UBFD1: variants seen among roughly 807,000 people sequenced by gnomAD.
UBFD1 encodes the protein ubiquitin domain-containing protein UBFD1.
Under a neutral mutation model 35.1 loss-of-function variants are expected in UBFD1, and 12 were observed. The observed-to-expected ratio is 0.34, with a 90% confidence interval of 0.22 to 0.55. UBFD1 has a LOEUF of 0.55. UBFD1 is among the 20% of genes least tolerant of loss of function. UBFD1 has a pLI of 0.89. For synonymous variants in UBFD1, 178 were observed against 167.6 expected, an observed-to-expected ratio of 1.06 and a Z score of -0.48; for missense variants, 337 against 410.8, an observed-to-expected ratio of 0.82 and a Z score of 1.55.
chr16:23,558,236 C>CA lies in UBFD1; in HGVS notation c.313dup (p.Ser105LysfsTer26). 1 of 1,609,656 alleles carries CA rather than the reference C, an allele frequency of 6.2e-7. No homozygotes were observed. Among genetic ancestry groups the CA allele is most frequent in the Non-Finnish European group, 8.5e-7 (1 of 1,178,222 alleles). On this transcript the variant is annotated frameshift_variant, in exon 2 of 7. Coordinates refer to ENST00000395878, the MANE Select transcript of UBFD1 (RefSeq NM_019116.3). LOFTEE classifies it high-confidence loss of function. ...AGCATGACGTGAAGTTCCCCCTGGA[C>CA]AGCACAGGCTCCGAGCTGAAACAGA...
chr16:23,559,788 T>C lies in UBFD1; in HGVS notation c.564+112T>C, dbSNP rs751115424. 853 of 1,553,182 alleles carry C rather than the reference T, an allele frequency of 5.5e-4. 1 individual carries two copies. The highest frequency in any genetic ancestry group is 6.9e-4 in the Non-Finnish European group (792 of 1,149,734). ...GCTCCTTTTTGGACAGGGCCCATGA[T>C]GGAAATTTATGGCAGCAGTTGGGTG... On this transcript the variant is annotated intron_variant, in intron 3 of 6. Coordinates refer to ENST00000395878, the MANE Select transcript of UBFD1 (RefSeq NM_019116.3).
At chr16:23,566,228 T>C (rs898182918) in intron 5 of UBFD1, 1 of 152,126 alleles carries the variant, frequency 6.6e-6, no homozygotes, top group Non-Finnish European at 1.5e-5. Flanking sequence ...GCACTCCCCT[T>C]CCCTTGTGAG....
At chr16:23,564,587 C>G (rs1965984600) in intron 5 of UBFD1, 2 of 152,200 alleles carry the variant, frequency 1.3e-5, no homozygotes, top group Non-Finnish European at 2.9e-5. Flanking sequence ...CATTCACTTG[C>G]TGAAGTGCAT....
rs745818907 is a variant in UBFD1 at position 23,572,942 on chromosome 16, A to G, written c.*2352A>G. The G allele has an allele frequency of 6.6e-6, 1 of 152,228 alleles. No individual in the cohort carries two copies. Among genetic ancestry groups the G allele is most frequent in the Non-Finnish European group, 1.5e-5 (1 of 68,040 alleles). The allele number at this position is 152,228 out of a possible 1,614,324, so 9.4% of individuals were successfully genotyped here. ...GCTGGACGCTCTCGGGAGAGCAGAC[A>G]TAGCACCAGAAGCCACTGGGAGAAG... On this transcript the variant is annotated 3_prime_UTR_variant, in exon 7 of 7. Coordinates refer to ENST00000395878, the MANE Select transcript of UBFD1 (RefSeq NM_019116.3).
intron 4 of UBFD1, 65 bp from the exon 5 acceptor site, chr16:23,562,560 G>A (rs144611649): frequency 7.4e-6 from 11 of 1,487,760 alleles, no homozygotes; most frequent in East Asian, 2.3e-5. Flanking sequence ...GAGCCACCGC[G>A]CTTGGCCCCC....
chr16:23,558,558 G>A (rs968463882), intron 2 of UBFD1, among the ~76,000 whole-genome samples: 5 of 152,146 alleles, frequency 3.3e-5, no homozygotes, highest in Admixed American at 3.3e-4. Flanking sequence ...ATCACCTAAG[G>A]CGCTTGTTTT....
chr16:23,570,526 G>A lies in UBFD1; in HGVS notation c.866G>A (p.Trp289Ter). ...GAAGCCTCTTACTACTGGGTGTACT[G>A]GGTTCCAACTCAATATGTGGATGCA... Reference protein sequence around the residue: ...PTEASYYWVYWVPTQYVDAIK... With the variant: ...PTEASYYWVY The change falls in exon 7 of 7, where the codon TGG becomes TAG. Residue 289 changes from tryptophan (W) to a stop codon, truncating the protein, a stop_gained. Coordinates refer to ENST00000395878, the MANE Select transcript of UBFD1 (RefSeq NM_019116.3). LOFTEE classifies it high-confidence loss of function. The A allele has an allele frequency of 6.2e-7, 1 of 1,614,056 alleles. No homozygotes were observed. The highest frequency in any genetic ancestry group is 8.5e-7 in the Non-Finnish European group (1 of 1,180,002).
rs1965898022 is a variant in UBFD1 at position 23,559,589 on chromosome 16, T to C, written c.477T>C (p.Asp159=). 3 of 1,614,222 alleles carry C rather than the reference T, an allele frequency of 1.9e-6. No individual in the cohort carries two copies. The highest frequency in any genetic ancestry group is 1.7e-6 in the Non-Finnish European group (2 of 1,180,032). The change falls in exon 3 of 7, where the codon GAT becomes GAC. Residue 159 remains aspartate, a synonymous_variant. Transcript: ENST00000395878. ...TGGTGGTTGGCTCCACCATCAATGA[T>C]GTTTTAGCAGTAAACACACCCAAAG... ...KIMVVGSTIN[D]VLAVNTPKDA... is the part of the protein sequence containing the mutation.
chr16:23,566,753 A>G, intron 5 of UBFD1: 2 of 478,390 alleles, frequency 4.2e-6, no homozygotes, highest in Non-Finnish European at 7.5e-6. Context: ...GACCTTTACT[A>G]TACCATTGCC....
In UBFD1 at chr16:23,574,180, T is replaced by C. The variant is rs1031869549; in HGVS notation, c.*3590T>C. ...TTTCTTAAAGAGTTCTGCTGAATTA[T>C]TTGACAATATTTGTAAGTACCATGT... On this transcript the variant is annotated 3_prime_UTR_variant, in exon 7 of 7. Coordinates refer to ENST00000395878, the MANE Select transcript of UBFD1 (RefSeq NM_019116.3). 6.6e-6 allele frequency: 1 copy of C among 152,644 alleles called. No individual in the cohort carries two copies. Among genetic ancestry groups the C allele is most frequent in the African/African-American group, 2.4e-5 (1 of 41,452 alleles). 9.5% of individuals were successfully genotyped at this position (152,644 alleles called of 1,614,324 possible).
At chr16:23,557,902 T>G (rs1965840465) in intron 1 of UBFD1, 48 bp from the exon 2 acceptor site, 1 of 1,279,924 alleles carries the variant, frequency 7.8e-7, no homozygotes, top group African/African-American at 1.5e-5. Context: ...CAGCGTCCGT[T>G]CCCAAGCCCA....
intron 2 of UBFD1, 141 bp downstream of exon 2, chr16:23,558,420 A>G: frequency 9.2e-7 from 1 of 1,087,050 alleles, no homozygotes; most frequent in Non-Finnish European, 1.3e-6. Flanking sequence ...TTGGATGCCC[A>G]TTACTCAGCT....
chr16:23,560,012 A>G (rs978869661), intron 3 of UBFD1: 4 of 811,124 alleles, frequency 4.9e-6, no homozygotes, highest in Non-Finnish European at 7.3e-6. Flanking sequence ...GTAAGCCCTC[A>G]TTTTGTACAA....
At chr16:23,565,002 G>C (rs1965990053) in intron 5 of UBFD1, 1 of 152,208 alleles carries the variant, frequency 6.6e-6, no homozygotes, top group Admixed American at 6.5e-5. Flanking sequence ...ATGTTTTCTA[G>C]GGTTGAACAA....
intron 5 of UBFD1, chr16:23,565,441 C>G (rs1965996804): frequency 6.6e-6 from 1 of 152,120 alleles, no homozygotes; most frequent in African/African-American, 2.4e-5. Flanking sequence ...GAGTGTGGGT[C>G]CAGAATTGCC....
intron 3 of UBFD1, among the ~76,000 whole-genome samples, chr16:23,560,283 A>G (rs962580106): frequency 2.6e-5 from 4 of 152,188 alleles, no homozygotes; most frequent in Non-Finnish European, 5.9e-5. Context: ...CATCATAGCC[A>G]TTAACATTCT....
In UBFD1 at chr16:23,571,785, T is replaced by A. The variant is rs1339826938; in HGVS notation, c.*1195T>A. ...GAACAACAAAAATGGGATAAATTGCTTTCATGATTAGCTCACCTTCTTCTG... is the reference window on the plus strand; with the variant it reads ...GAACAACAAAAATGGGATAAATTGCATTCATGATTAGCTCACCTTCTTCTG... On this transcript the variant is annotated 3_prime_UTR_variant, in exon 7 of 7. Coordinates refer to ENST00000395878, the MANE Select transcript of UBFD1 (RefSeq NM_019116.3). The A allele has an allele frequency of 2.0e-5, 3 of 152,818 alleles. No individual in the cohort carries two copies. In the South Asian group the frequency reaches 6.2e-4, roughly 32 times the overall value. 9.5% of individuals were successfully genotyped at this position (152,818 alleles called of 1,614,324 possible).
rs1966084942 is a variant in UBFD1, at chr16:23,571,537, C to T, written c.*947C>T. 6.6e-6 allele frequency: 1 copy of T among 152,426 alleles called. No individual in the cohort carries two copies. The highest frequency in any genetic ancestry group is 1.5e-5 in the Non-Finnish European group (1 of 68,078). 9.4% of individuals were successfully genotyped at this position (152,426 alleles called of 1,614,324 possible). On this transcript the variant is annotated 3_prime_UTR_variant, in exon 7 of 7. Coordinates refer to ENST00000395878, the MANE Select transcript of UBFD1 (RefSeq NM_019116.3). ...GACAAAGACCTCTTCCAGGAGGAGC[C>T]AGGTAGAAGATAGTTATACAGCCAT...
At chr16:23,567,215 A>G (rs761479175) in intron 6 of UBFD1, 146 bp downstream of exon 6, 52 of 699,546 alleles carry the variant, frequency 7.4e-5, no homozygotes, top group Middle Eastern at 7.7e-4. Flanking sequence ...TTCTTCATCT[A>G]CTTAGAACTT....
Sources: allele counts gnomAD v4.1 joint callset (sites outside exome capture counted in the v4.1 genomes callset), GRCh38; gene constraint gnomAD v4.1.1; transcripts MANE v1.5; gene names NCBI Gene and HGNC (gene_info 2026-07-23, HGNC 2026-07-21).